Variants in TMEM132D observed in about 807,000 individuals in gnomAD.
TMEM132D encodes transmembrane protein 132D.
Under a neutral mutation model 62.3 loss-of-function variants are expected in TMEM132D, and 21 were observed. The observed-to-expected ratio is 0.34, with a 90% confidence interval of 0.24 to 0.49. The LOEUF is 0.49. TMEM132D is among the 20% of genes least tolerant of loss of function. The probability of loss-of-function intolerance (pLI) is 0.99; values close to 1 mark genes in which losing one functional copy is unlikely to be tolerated. For missense variants in TMEM132D, 1,346 were observed against 1,402.8 expected (o/e 0.96, Z 0.65); for synonymous variants, 621 against 575.6 (o/e 1.08, Z -1.13).
chr12:129,436,041 A>G (rs2135718688), intron 3 of TMEM132D, among the ~76,000 whole-genome samples: 1 of 152,232 alleles, frequency 6.6e-6, no homozygotes, highest in South Asian at 2.1e-4. Context: ...GACATGTGTA[A>G]TTTACTCTTC....
chr12:129,235,843 C>G (rs764555191), intron 4 of TMEM132D, among the ~76,000 whole-genome samples: 9 of 151,852 alleles, frequency 5.9e-5, no homozygotes, highest in Non-Finnish European at 1.0e-4. Context: ...CTTTTGTGAT[C>G]TTATATAAAT....
intron 4 of TMEM132D, among the ~76,000 whole-genome samples, chr12:129,219,828 C>T (rs1879304465): frequency 6.6e-6 from 1 of 152,134 alleles, no homozygotes; most frequent in Admixed American, 6.5e-5. Flanking sequence ...GAGATCAAGG[C>T]TCCACATGCC....
chr12:129,312,592 C>T (rs1021286818), intron 4 of TMEM132D, among the ~76,000 whole-genome samples: 1 of 152,036 alleles, frequency 6.6e-6, no homozygotes, highest in African/African-American at 2.4e-5. Context: ...TTTTTTGAGA[C>T]GGAGTCTCAC....
rs545990210 is a variant in TMEM132D at position 129,340,092 on chromosome 12, A to C, written c.1116-2275T>G. Among the ~76,000 whole-genome samples the C allele has an allele frequency of 2.8e-4, 42 of 152,296 alleles. 1 individual carries two copies. The South Asian group carries it at 7.9e-3, about 29-fold the overall frequency. ...TCTTGCCATCCTAGAAGAGCCACCT[A>C]TAATACCCTTCAATTAATAGAAGGT... On this transcript the variant is annotated intron_variant, in intron 3 of 8. Coordinates refer to ENST00000422113, the MANE Select transcript of TMEM132D (RefSeq NM_133448.3).
intron 4 of TMEM132D, among the ~76,000 whole-genome samples, chr12:129,286,876 C>T (rs1008480147): frequency 1.2e-4 from 18 of 152,156 alleles, no homozygotes; most frequent in South Asian, 2.1e-4. Flanking sequence ...GGTGAAACCC[C>T]GTCTCTACTA....
intron 3 of TMEM132D, among the ~76,000 whole-genome samples, chr12:129,358,490 C>G (rs924575014): frequency 4.6e-5 from 7 of 152,166 alleles, no homozygotes; most frequent in Non-Finnish European, 2.9e-5. Flanking sequence ...AGTATTTATA[C>G]TATGAAAATT....
intron 5 of TMEM132D, among the ~76,000 whole-genome samples, chr12:129,094,623 G>A (rs1415845568): frequency 6.6e-6 from 1 of 152,182 alleles, no homozygotes; most frequent in Non-Finnish European, 1.5e-5. Context: ...AGTCAGTGTG[G>A]TGATTCCTCA....
In TMEM132D at chr12:129,238,996, G is replaced by GGTTTTTTTTTTTTTTTTTTTTTTTTTTTT. The variant is rs374959544; in HGVS notation, c.1300-29334_1300-29333insAAAAAAAAAAAAAAAAAAAAAAAAAAAAC. On this transcript the variant is annotated intron_variant, in intron 4 of 8. Coordinates refer to ENST00000422113, the MANE Select transcript of TMEM132D (RefSeq NM_133448.3). ...TCCTCATCAACATTTGTTATTTTCTGTTTTTTTTTTTTTTTTGGACAGTAA... is the reference window on the plus strand; with the variant it reads ...TCCTCATCAACATTTGTTATTTTCTGGTTTTTTTTTTTTTTTTTTTTTTTTTTTTTTTTTTTTTTTTTTTTGGACAGTAA... 1.5e-5 allele frequency among the ~76,000 whole-genome samples: 2 copies of GGTTTTTTTTTTTTTTTTTTTTTTTTTTTT among 133,046 alleles called. 1 individual carries two copies. 87.3% of individuals were successfully genotyped at this position (133,046 alleles called of 152,430 possible). A position where few individuals can be genotyped will look rare whatever the true frequency, so the allele number is the denominator to read the frequency against.
chr12:129,575,537 C>T (rs901628040), intron 2 of TMEM132D, among the ~76,000 whole-genome samples: 2 of 151,906 alleles, frequency 1.3e-5, no homozygotes, highest in Non-Finnish European at 2.9e-5. Flanking sequence ...GCAGTGAGCG[C>T]TGCGTCCATG....
chr12:129,389,138 G>A lies in TMEM132D; in HGVS notation c.1116-51321C>T, dbSNP rs185532663. On this transcript the variant is annotated intron_variant, in intron 3 of 8. Transcript: ENST00000422113. ...CTGATGATAATATTAACACCAACAC[G>A]AATCCTAATATAAACACTAACACCA... 2.3e-3 allele frequency among the ~76,000 whole-genome samples: 342 copies of A among 149,056 alleles called. 10 individuals are homozygous for A. Among genetic ancestry groups the A allele is most frequent in the African/African-American group, 8.0e-3 (324 of 40,400 alleles).
chr12:129,646,723 G>A (rs969786290), intron 2 of TMEM132D, among the ~76,000 whole-genome samples: 2 of 151,762 alleles, frequency 1.3e-5, no homozygotes, highest in Non-Finnish European at 2.9e-5. Context: ...TACAATATGT[G>A]CAAATGTGTG....
chr12:129,500,996 G>C (rs1457501572), intron 3 of TMEM132D, among the ~76,000 whole-genome samples: 1 of 120,948 alleles, frequency 8.3e-6, no homozygotes, highest in Non-Finnish European at 1.7e-5. Context: ...CATCTTTCCT[G>C]GTCTGTCTTT....
intron 3 of TMEM132D, among the ~76,000 whole-genome samples, chr12:129,370,825 G>A (rs549356476): frequency 7.9e-5 from 12 of 152,198 alleles, no homozygotes; most frequent in African/African-American, 2.9e-4. Context: ...AGCAGACATA[G>A]TGTCTCTCAT....
chr12:129,835,782 C>T (rs1463302497), intron 1 of TMEM132D, among the ~76,000 whole-genome samples: 1 of 152,126 alleles, frequency 6.6e-6, no homozygotes. Flanking sequence ...GGGATGAGTC[C>T]CTGGGACCAG....
chr12:129,190,149 C>G (rs1252397582), intron 5 of TMEM132D, among the ~76,000 whole-genome samples: 356 of 29,642 alleles, frequency 0.012, 3 homozygotes, highest in African/African-American at 0.04. Flanking sequence ...GAGGGGGTCT[C>G]AGGCCTGCAG....
At chr12:129,436,613 T>C (rs555857032) in intron 3 of TMEM132D, among the ~76,000 whole-genome samples, 1 of 152,200 alleles carries the variant, frequency 6.6e-6, no homozygotes, top group Non-Finnish European at 1.5e-5. Context: ...ATTTATATAA[T>C]GGAATACTCT....
At chr12:129,111,277 G>A (rs1158298453) in intron 5 of TMEM132D, 1 of 152,272 alleles carries the variant, frequency 6.6e-6, no homozygotes, top group Non-Finnish European at 1.5e-5. Context: ...GAGATGGGGG[G>A]AGGCAGGGAG....
intron 2 of TMEM132D, among the ~76,000 whole-genome samples, chr12:129,638,266 G>C (rs983825311): frequency 6.6e-6 from 1 of 152,046 alleles, no homozygotes; most frequent in African/African-American, 2.4e-5. Flanking sequence ...CATATCACAT[G>C]GGAAGCCCAA....
chr12:129,521,929 C>T (rs1875860038), intron 3 of TMEM132D: 3 of 147,356 alleles, frequency 2.0e-5, no homozygotes, highest in African/African-American at 4.9e-5. Flanking sequence ...TTTTTTTTTC[C>T]GATGATGGAA....
Sources: gnomAD v4.1 joint callset for allele counts (sites outside exome capture counted in the v4.1 genomes callset) on GRCh38, gnomAD v4.1.1 for gene constraint, MANE v1.5 for transcripts, NCBI Gene and HGNC (gene_info 2026-07-23, HGNC 2026-07-21) for gene names.